The following ANKS1B variants were observed in gnomAD, a reference collection of about 807,000 sequenced individuals.
ANKS1B encodes ankyrin repeat and sterile alpha motif domain-containing protein 1B.
In ANKS1B, 36 loss-of-function variants were observed where a neutral mutation model predicts 148.3. That is an observed-to-expected ratio of 0.24 (90% CI 0.19 to 0.32). The LOEUF is 0.32. Among genes scored for constraint, ANKS1B ranks in the 10% least tolerant of loss-of-function variants. The probability of loss-of-function intolerance (pLI) is 1.00; values close to 1 mark genes in which losing one functional copy is unlikely to be tolerated. For synonymous variants in ANKS1B, 542 were observed against 560.8 expected (o/e 0.97, Z 0.47); for missense variants, 1,157 against 1,542.6 (o/e 0.75, Z 4.19).
intron 8 of ANKS1B, among the ~76,000 whole-genome samples, chr12:99,767,925 A>T (rs1242307149): frequency 6.6e-6 from 1 of 152,154 alleles, no homozygotes; most frequent in South Asian, 2.1e-4. Context: ...ATTTTAATAG[A>T]AACAAAAATC....
At chr12:99,793,677 G>A (rs991873155) in intron 4 of ANKS1B, among the ~76,000 whole-genome samples, 2 of 151,938 alleles carry the variant, frequency 1.3e-5, no homozygotes, top group Admixed American at 1.3e-4. Context: ...AAATCAAAAT[G>A]GATTAAACAT....
intron 10 of ANKS1B, among the ~76,000 whole-genome samples, chr12:99,502,567 A>C (rs78384788): frequency 0.01 from 1,530 of 152,286 alleles, 27 homozygotes; most frequent in African/African-American, 0.035. Context: ...CATAGTGTTT[A>C]AGAGCACAAG....
intron 12 of ANKS1B, among the ~76,000 whole-genome samples, chr12:99,304,294 A>T (rs896358680): frequency 1.2e-4 from 18 of 152,202 alleles, no homozygotes; most frequent in South Asian, 6.2e-4. Flanking sequence ...TTGATTTTTT[A>T]AAATTATGAC....
chr12:99,653,916 G>A (rs985181726), intron 9 of ANKS1B, among the ~76,000 whole-genome samples: 2 of 151,656 alleles, frequency 1.3e-5, no homozygotes, highest in Admixed American at 6.6e-5. Flanking sequence ...CACCCTCCTC[G>A]GCCTCCCACA....
intron 9 of ANKS1B, among the ~76,000 whole-genome samples, chr12:99,568,191 G>T (rs2097417693): frequency 6.6e-6 from 1 of 152,166 alleles, no homozygotes; most frequent in Admixed American, 6.5e-5. Flanking sequence ...AGGGGCTCTA[G>T]GAGAATCTGT....
chr12:99,032,065 T>C (rs2099952569), intron 17 of ANKS1B, among the ~76,000 whole-genome samples: 1 of 152,216 alleles, frequency 6.6e-6, no homozygotes, highest in East Asian at 1.9e-4. Context: ...AAAGCCTTAA[T>C]TTCTAACTCA....
At chr12:99,915,443 G>T (rs2094144306) in intron 1 of ANKS1B, among the ~76,000 whole-genome samples, 1 of 152,112 alleles carries the variant, frequency 6.6e-6, no homozygotes, top group South Asian at 2.1e-4. Context: ...TCATATGGAG[G>T]CAATCTCTGG....
At chr12:98,922,357 C>T (rs1464391379) in intron 17 of ANKS1B, among the ~76,000 whole-genome samples, 1 of 152,170 alleles carries the variant, frequency 6.6e-6, no homozygotes, top group Non-Finnish European at 1.5e-5. Flanking sequence ...ATAAGTGTCA[C>T]TCATTGTAGG....
At chr12:99,252,563 C>T (rs965189315) in intron 12 of ANKS1B, among the ~76,000 whole-genome samples, 2 of 152,144 alleles carry the variant, frequency 1.3e-5, no homozygotes, top group African/African-American at 4.8e-5. Flanking sequence ...AATCACATGA[C>T]AGCAGTAGGA....
chr12:99,449,899 CTA>C (rs2095700055), intron 10 of ANKS1B, among the ~76,000 whole-genome samples: 2 of 11,814 alleles, frequency 1.7e-4, no homozygotes, highest in Non-Finnish European at 3.2e-4. Flanking sequence ...ATCCATCTAT[CTA>C]TCTATCTATC....
At chr12:99,242,521 T>C (rs2153966325) in intron 14 of ANKS1B, among the ~76,000 whole-genome samples, 1 of 152,328 alleles carries the variant, frequency 6.6e-6, no homozygotes, top group Non-Finnish European at 1.5e-5. Context: ...ACTGACTTTC[T>C]TCACAGAATT....
chr12:99,035,938 T>A (rs1330802376), intron 17 of ANKS1B, among the ~76,000 whole-genome samples: 2 of 152,174 alleles, frequency 1.3e-5, no homozygotes, highest in Non-Finnish European at 2.9e-5. Context: ...TTCCACTGGG[T>A]GAGCTGCTCA....
At chr12:99,887,402 T>C (rs1417036840) in intron 1 of ANKS1B, among the ~76,000 whole-genome samples, 1 of 152,242 alleles carries the variant, frequency 6.6e-6, no homozygotes, top group Admixed American at 6.5e-5. Flanking sequence ...ATAAAATCAT[T>C]ATTAAAATTA....
intron 22 of ANKS1B, among the ~76,000 whole-genome samples, chr12:98,788,797 G>C (rs1216869594): frequency 6.6e-6 from 1 of 152,218 alleles, no homozygotes; most frequent in Non-Finnish European, 1.5e-5. Context: ...CTGCTGCTGT[G>C]CATGTAAACT....
At chr12:99,490,581 C>A (rs891879615) in intron 10 of ANKS1B, among the ~76,000 whole-genome samples, 2 of 152,102 alleles carry the variant, frequency 1.3e-5, no homozygotes, top group African/African-American at 4.8e-5. Flanking sequence ...GTATAAATTG[C>A]CTCTGAAAGG....
intron 1 of ANKS1B, among the ~76,000 whole-genome samples, chr12:99,945,817 G>C (rs576791166): frequency 1.3e-5 from 2 of 152,302 alleles, no homozygotes; most frequent in South Asian, 4.1e-4. Context: ...GGAGGAGAGA[G>C]AGTAGACATC....
At position 99,765,838 on chromosome 12, in the gene ANKS1B, T is replaced by C. The variant is rs138948527; in HGVS notation, c.1128+7084A>G. Among the ~76,000 whole-genome samples, 13 of 152,308 alleles carry C rather than the reference T, an allele frequency of 8.5e-5. No homozygotes were observed. The East Asian group carries it at 2.3e-3, about 27-fold the overall frequency. On this transcript the variant is annotated intron_variant, in intron 8 of 26. Coordinates refer to ENST00000683438, the MANE Select transcript of ANKS1B (RefSeq NM_001352186.2). Reference sequence around the variant, plus strand: ...AAGAGAACAAAATAGCTCTTTTCTATGGCTGACAGAAAGCCAGAGTAAAAT... The same window carrying C: ...AAGAGAACAAAATAGCTCTTTTCTACGGCTGACAGAAAGCCAGAGTAAAAT...
intron 1 of ANKS1B, among the ~76,000 whole-genome samples, chr12:99,836,264 G>T (rs531865728): frequency 6.6e-6 from 1 of 152,038 alleles, no homozygotes; most frequent in Non-Finnish European, 1.5e-5. Flanking sequence ...GCAAACGTTG[G>T]CTTTGTAGTA....
At chr12:99,847,173 A>G (rs893453721) in intron 1 of ANKS1B, among the ~76,000 whole-genome samples, 12 of 150,998 alleles carry the variant, frequency 7.9e-5, no homozygotes, top group Non-Finnish European at 1.2e-4. Flanking sequence ...AATGGCAATC[A>G]TGGCTCACTG....
Sources: gnomAD v4.1 joint callset for allele counts (sites outside exome capture counted in the v4.1 genomes callset) on GRCh38, gnomAD v4.1.1 for gene constraint, MANE v1.5 for transcripts, NCBI Gene and HGNC (gene_info 2026-07-23, HGNC 2026-07-21) for gene names.